AGPAT4: variants seen among roughly 807,000 people sequenced by gnomAD.
AGPAT4 encodes the protein 1-acylglycerol-3-phosphate O-acyltransferase 4, also known as 1-acyl-sn-glycerol-3-phosphate acyltransferase delta.
Under a neutral mutation model 48.0 loss-of-function variants are expected in AGPAT4, and 15 were observed. The observed-to-expected ratio is 0.31, with a 90% confidence interval of 0.21 to 0.48. The LOEUF is 0.48. Ranked by LOEUF, AGPAT4 falls within the 20% of genes least tolerant of loss-of-function variation. AGPAT4 has a pLI of 0.99. For synonymous variants in AGPAT4, 178 were observed against 198.7 expected (o/e 0.90, Z 0.88); for missense variants, 314 against 482.5 (o/e 0.65, Z 3.27).
At chr6:161,186,716 T>C (rs2114997716) in intron 2 of AGPAT4, among the ~76,000 whole-genome samples, 1 of 152,164 alleles carries the variant, frequency 6.6e-6, no homozygotes, top group South Asian at 2.1e-4. Flanking sequence ...CACCCTCTCC[T>C]TCCCCCACTT....
rs61455682 is a variant in AGPAT4, at chr6:161,242,371, G to C, written c.-89-10069C>G. On this transcript the variant is annotated intron_variant, in intron 1 of 8. Transcript: ENST00000320285. The surrounding 1 kb of genome is among the most constrained non-coding windows in gnomAD (Gnocchi z 5.0). The stretch of plus-strand genomic sequence containing the variant: ...GGGACGCCTGGGATTTCAGTCCATG[G>C]TCTTGTTTCTGACTGTTGGGGTGCT... Among the ~76,000 whole-genome samples the C allele has an allele frequency of 0.018, 2,746 of 152,246 alleles. 78 individuals carry two copies. The highest frequency in any genetic ancestry group is 0.059 in the African/African-American group (2,467 of 41,522).
At chr6:161,167,983 T>C (rs916917426) in intron 2 of AGPAT4, among the ~76,000 whole-genome samples, 1 of 152,174 alleles carries the variant, frequency 6.6e-6, no homozygotes, top group Non-Finnish European at 1.5e-5. Flanking sequence ...CAATAAAAAG[T>C]GTCTACCTAT....
At chr6:161,250,758 AC>A (rs1190560114) in intron 1 of AGPAT4, among the ~76,000 whole-genome samples, 5 of 152,200 alleles carry the variant, frequency 3.3e-5, no homozygotes, top group Non-Finnish European at 2.9e-5. Context: ...ATATATAAAT[AC>A]CCATTTCACT....
chr6:161,256,973 C>T (rs1376059539), intron 1 of AGPAT4, among the ~76,000 whole-genome samples: 1 of 152,224 alleles, frequency 6.6e-6, no homozygotes, highest in African/African-American at 2.4e-5. Context: ...TGCGAGCTCC[C>T]TGCAGACCAG....
Position 161,267,246 on chromosome 6 carries a change from A to G in AGPAT4, c.-90+6692T>C, listed in dbSNP as rs900612241. Among the ~76,000 whole-genome samples, 4 of 152,206 alleles carry G rather than the reference A, an allele frequency of 2.6e-5. No individual in the cohort carries two copies. Among genetic ancestry groups the G allele is most frequent in the Non-Finnish European group, 4.4e-5 (3 of 68,036 alleles). On this transcript the variant is annotated intron_variant, in intron 1 of 8. Transcript: ENST00000320285. The surrounding 1 kb of genome is among the most constrained non-coding windows in gnomAD (Gnocchi z 5.2). ...TCCCACCATCTCTGGCTAAACCATA[A>G]TAAAAACAACACTCCCTGAAAACTA... is the stretch of plus-strand genomic sequence containing the variant.
In AGPAT4 at chr6:161,166,369, A is replaced by C. The variant is rs765817430; in HGVS notation, c.227T>G (p.Phe76Cys). 4.1e-5 allele frequency: 66 copies of C among 1,613,924 alleles called. No homozygotes were observed. Among genetic ancestry groups the C allele is most frequent in the Non-Finnish European group, 5.4e-5 (64 of 1,179,896 alleles). ...EWWSGTECTI[F>C]TDPRAYLKYG... ...CTTGAGGTAGGCGCGCGGGTCCGTG[A>C]AGATGGTGCATTCCGTGCCCGACCA... Residue 76 changes from phenylalanine (F) to cysteine (C), a missense_variant, in exon 3 of 9, where the codon TTC becomes TGC. Phe to Cys is a radical substitution (Grantham distance 205). Transcript: ENST00000320285. This position sits in a 1 kb window ranked among gnomAD's most constrained non-coding sequence, Gnocchi z 6.7.
rs901780839 is a variant in AGPAT4, at chr6:161,189,213, G to C, written c.179-22796C>G. Reference sequence around the variant, plus strand: ...AAACCCGGATTGTCTGGCAGCCCTGGGAAGACCAAGGCCAGGAATTAGGAG... The same window carrying C: ...AAACCCGGATTGTCTGGCAGCCCTGCGAAGACCAAGGCCAGGAATTAGGAG... On this transcript the variant is annotated intron_variant, in intron 2 of 8. Coordinates refer to ENST00000320285, the MANE Select transcript of AGPAT4 (RefSeq NM_020133.3). This position sits in a 1 kb window ranked among gnomAD's most constrained non-coding sequence, Gnocchi z 5.3. 6.6e-6 allele frequency among the ~76,000 whole-genome samples: 1 copy of C among 152,136 alleles called. No homozygotes were observed. Among genetic ancestry groups the C allele is most frequent in the African/African-American group, 2.4e-5 (1 of 41,436 alleles).
Position 161,202,733 on chromosome 6 carries a change from C to T in AGPAT4, c.178+29303G>A, listed in dbSNP as rs1394069756. 6.6e-6 allele frequency among the ~76,000 whole-genome samples: 1 copy of T among 152,006 alleles called. No homozygotes were observed. The highest frequency in any genetic ancestry group is 6.5e-5 in the Admixed American group (1 of 15,268). ...AAGAGGGCTACTAACTTGCTTGTAACCAGGATAATGTGGCAGAAAAAATGC... is the reference window on the plus strand; with the variant it reads ...AAGAGGGCTACTAACTTGCTTGTAATCAGGATAATGTGGCAGAAAAAATGC... On this transcript the variant is annotated intron_variant, in intron 2 of 8. Transcript: ENST00000320285. The surrounding 1 kb of genome is among the most constrained non-coding windows in gnomAD (Gnocchi z 5.4).
intron 2 of AGPAT4, among the ~76,000 whole-genome samples, chr6:161,191,094 A>T (rs1780910576): frequency 6.6e-6 from 1 of 152,242 alleles, no homozygotes; most frequent in African/African-American, 2.4e-5. Context: ...GATTCCAAAT[A>T]TAATAACATT....
chr6:161,235,740 C>A lies in AGPAT4; in HGVS notation c.-89-3438G>T, dbSNP rs953700509. On this transcript the variant is annotated intron_variant, in intron 1 of 8. Coordinates refer to ENST00000320285, the MANE Select transcript of AGPAT4 (RefSeq NM_020133.3). The surrounding 1 kb of genome is among the most constrained non-coding windows in gnomAD (Gnocchi z 6.2). ...GCGAGAGAGAGAGAAGGGGGAGGTG[C>A]CACACACTTTTAAACAACCAAATCT... is the stretch of plus-strand genomic sequence containing the variant. 3.9e-5 allele frequency among the ~76,000 whole-genome samples: 6 copies of A among 151,948 alleles called. No individual in the cohort carries two copies. The highest frequency in any genetic ancestry group is 8.8e-5 in the Non-Finnish European group (6 of 67,988).
rs1437113631 is a variant in AGPAT4, at chr6:161,158,778, C to T, written c.349-4468G>A. Among the ~76,000 whole-genome samples, 1 of 152,178 alleles carries T rather than the reference C, an allele frequency of 6.6e-6. No homozygotes were observed. The highest frequency in any genetic ancestry group is 2.4e-5 in the African/African-American group (1 of 41,448). On this transcript the variant is annotated intron_variant, in intron 3 of 8. Transcript: ENST00000320285. This position sits in a 1 kb window ranked among gnomAD's most constrained non-coding sequence, Gnocchi z 5.3. ...GTTAAGGTTTTCTCCAAAATGGCTA[C>T]TCATCAAGGCTTCAGATGAAGATTC...
chr6:161,181,802 G>A (rs1167394798), intron 2 of AGPAT4, among the ~76,000 whole-genome samples: 1 of 152,082 alleles, frequency 6.6e-6, no homozygotes, highest in Non-Finnish European at 1.5e-5. Context: ...GAAGCCGAGG[G>A]TCCAAGAAGG....
chr6:161,140,396 G>A lies in AGPAT4; in HGVS notation c.844-776C>T, dbSNP rs924957453. 2.0e-5 allele frequency among the ~76,000 whole-genome samples: 3 copies of A among 152,310 alleles called. No individual in the cohort carries two copies. The highest frequency in any genetic ancestry group is 2.9e-5 in the Non-Finnish European group (2 of 68,020). On this transcript the variant is annotated intron_variant, in intron 7 of 8. Transcript: ENST00000320285. The surrounding 1 kb of genome is among the most constrained non-coding windows in gnomAD (Gnocchi z 6.5). ...TGTACTCATCCACATCCACCCACAG[G>A]GTGTGTGTGTCACCGAGCAGCTTGC...
At position 161,262,936 on chromosome 6, in the gene AGPAT4, G is replaced by A. The variant is rs938786236; in HGVS notation, c.-90+11002C>T. 4.6e-5 allele frequency among the ~76,000 whole-genome samples: 7 copies of A among 152,164 alleles called. No individual in the cohort carries two copies. Among genetic ancestry groups the A allele is most frequent in the African/African-American group, 1.7e-4 (7 of 41,430 alleles). On this transcript the variant is annotated intron_variant, in intron 1 of 8. Transcript: ENST00000320285. This position sits in a 1 kb window ranked among gnomAD's most constrained non-coding sequence, Gnocchi z 4.9. Reference sequence around the variant, plus strand: ...GGGAATGACCGAGGAAGAGAGGCCAGGAGGAGCAAAGCAAGCCCTGGGCTA... The same window carrying A: ...GGGAATGACCGAGGAAGAGAGGCCAAGAGGAGCAAAGCAAGCCCTGGGCTA...
chr6:161,227,609 G>A (rs1782017282), intron 2 of AGPAT4, among the ~76,000 whole-genome samples: 1 of 152,194 alleles, frequency 6.6e-6, no homozygotes, highest in African/African-American at 2.4e-5. Flanking sequence ...CCTGTTACCA[G>A]GCCCTGATCC....
rs3839455 is a variant in AGPAT4, at chr6:161,271,183, TGACTTCTCCCTTCTTG to T, written c.-90+2739_-90+2754del. Among the ~76,000 whole-genome samples, 682 of 152,336 alleles carry T rather than the reference TGACTTCTCCCTTCTTG, an allele frequency of 4.5e-3. 12 individuals are homozygous for T. Among genetic ancestry groups the T allele is most frequent in the East Asian group, 0.032 (164 of 5,188 alleles). ...CCTGCTCTACTTCTATACTAAAGACTGACTTCTCCCTTCTTGGAGTTAAGAACCCTGAACCATGATC... is the reference window on the plus strand; with the variant it reads ...CCTGCTCTACTTCTATACTAAAGACTGAGTTAAGAACCCTGAACCATGATC... On this transcript the variant is annotated intron_variant, in intron 1 of 8. Coordinates refer to ENST00000320285, the MANE Select transcript of AGPAT4 (RefSeq NM_020133.3).
intron 1 of AGPAT4, among the ~76,000 whole-genome samples, chr6:161,260,746 G>A (rs1295478227): frequency 6.6e-6 from 1 of 151,512 alleles, no homozygotes; most frequent in African/African-American, 2.4e-5. Context: ...CATTAGCTGG[G>A]TGTGGTGGTG....
At chr6:161,224,726 C>T (rs1224285626) in intron 2 of AGPAT4, among the ~76,000 whole-genome samples, 3 of 151,810 alleles carry the variant, frequency 2.0e-5, no homozygotes, top group Admixed American at 6.6e-5. Context: ...CCCACTATTT[C>T]CCAAGTACCA....
chr6:161,272,942 T>C lies in AGPAT4; in HGVS notation c.-90+996A>G, dbSNP rs900701597. Among the ~76,000 whole-genome samples the C allele has an allele frequency of 2.6e-5, 4 of 152,228 alleles. No homozygotes were observed. The highest frequency in any genetic ancestry group is 1.3e-4 in the Admixed American group (2 of 15,278). ...CCGGCAGTTAATTTGTTACTCATAC[T>C]TGTTGAACTTAAGATTTGGAGCTAA... is the stretch of plus-strand genomic sequence containing the variant. On this transcript the variant is annotated intron_variant, in intron 1 of 8. Coordinates refer to ENST00000320285, the MANE Select transcript of AGPAT4 (RefSeq NM_020133.3). The surrounding 1 kb of genome is among the most constrained non-coding windows in gnomAD (Gnocchi z 4.2).
Sources: allele counts gnomAD v4.1 joint callset (sites outside exome capture counted in the v4.1 genomes callset), GRCh38; gene constraint gnomAD v4.1.1; non-coding constraint Gnocchi (gnomAD v3.1); transcripts MANE v1.5; gene names NCBI Gene and HGNC (gene_info 2026-07-23, HGNC 2026-07-21).